Variants in WIZ observed in about 807,000 individuals in gnomAD.
WIZ encodes protein Wiz.
WIZ carries 25 observed loss-of-function variants against 140.2 expected under a neutral mutation model. The observed-to-expected ratio is 0.18, with a 90% CI of 0.13 to 0.25. WIZ has a LOEUF of 0.25. WIZ is among the 10% of genes least tolerant of loss of function. WIZ has a pLI of 1.00. For missense variants in WIZ, 2,231 were observed against 2,632.6 expected (o/e 0.85, Z 3.34); for synonymous variants, 1,125 against 1,154.3 (o/e 0.97, Z 0.51).
At position 15,422,677 on chromosome 19, in the gene WIZ, C is replaced by T. The variant is rs1018249296; in HGVS notation, c.*399G>A. 2 of 224,790 alleles carry T rather than the reference C, an allele frequency of 8.9e-6. No individual in the cohort carries two copies. The highest frequency in any genetic ancestry group is 4.6e-5 in the African/African-American group (2 of 43,886). 13.9% of individuals were successfully genotyped at this position (224,790 alleles called of 1,614,324 possible). A position where few individuals can be genotyped will look rare whatever the true frequency, so the allele number is the denominator to read the frequency against. ...ATGTACATGTGTGTGAGAGGATATT[C>T]ATGGGGGAGAGAGGGAACCAGAACA... is the stretch of plus-strand genomic sequence containing the variant. On this transcript the variant is annotated 3_prime_UTR_variant, in exon 13 of 13. Transcript: ENST00000673675.
chr19:15,443,736 T>A (rs1207727561), intron 2 of WIZ, among the ~76,000 whole-genome samples: 2 of 152,336 alleles, frequency 1.3e-5, no homozygotes, highest in African/African-American at 4.8e-5. Flanking sequence ...CTTTGTCGGC[T>A]TCGTTCACTG....
rs1043353892 is a variant in WIZ at position 15,428,539 on chromosome 19, G to A, written c.3416-31C>T. The A allele has an allele frequency of 1.3e-5, 20 of 1,534,914 alleles. No individual in the cohort carries two copies. Among genetic ancestry groups the A allele is most frequent in the African/African-American group, 9.6e-5 (7 of 72,908 alleles). ...GAGACAAAACACAGGGGGGGTTCAC[G>A]GCCGCCACCTTGGCCGGCCTTGGGG... On this transcript the variant is annotated intron_variant, in intron 7 of 12. Transcript: ENST00000673675. This position sits in a 1 kb window ranked among gnomAD's most constrained non-coding sequence, Gnocchi z 6.4.
rs1395814249 is a variant in WIZ, at chr19:15,428,566, C to A, written c.3416-58G>T. 3 of 1,533,406 alleles carry A rather than the reference C, an allele frequency of 2.0e-6. No individual in the cohort carries two copies. The highest frequency in any genetic ancestry group is 2.4e-5 in the East Asian group (1 of 40,844). The allele number at this position is 1,533,406 out of a possible 1,614,324, so 95.0% of individuals were successfully genotyped here. A position where few individuals can be genotyped will look rare whatever the true frequency, so the allele number is the denominator to read the frequency against. On this transcript the variant is annotated intron_variant, in intron 7 of 12. Transcript: ENST00000673675. The surrounding 1 kb of genome is among the most constrained non-coding windows in gnomAD (Gnocchi z 6.4). ...CCGCCACCTTGGCCGGCCTTGGGGG[C>A]CTGAGGTAGGAGGGTCTGGTGTGAT...
At position 15,427,713 on chromosome 19, in the gene WIZ, T is replaced by G. The variant is rs1599663077; in HGVS notation, c.3815-180A>C. On this transcript the variant is annotated intron_variant, in intron 8 of 12. Coordinates refer to ENST00000673675, the MANE Select transcript of WIZ (RefSeq NM_001371589.1). This position sits in a 1 kb window ranked among gnomAD's most constrained non-coding sequence, Gnocchi z 6.4. ...CTGGGGGCCAGATACCCGGCAGGAG[T>G]GAGGGGAGGCTCCAGAGAGCACATG... 6.6e-6 allele frequency among the ~76,000 whole-genome samples: 1 copy of G among 150,658 alleles called. No homozygotes were observed. Among genetic ancestry groups the G allele is most frequent in the Non-Finnish European group, 1.5e-5 (1 of 67,670 alleles).
intron 5 of WIZ, among the ~76,000 whole-genome samples, chr19:15,432,185 G>A (rs1361620620): frequency 6.6e-6 from 1 of 152,104 alleles, no homozygotes; most frequent in African/African-American, 2.4e-5. Flanking sequence ...GGCAAGGGAC[G>A]CTCCCGGGGC....
At chr19:15,431,380 C>T (rs1015413723) in intron 5 of WIZ, among the ~76,000 whole-genome samples, 198 bp from the exon 6 acceptor site, 1 of 152,248 alleles carries the variant, frequency 6.6e-6, no homozygotes, top group East Asian at 1.9e-4. Flanking sequence ...TGACAGCAGA[C>T]GCCAGCAGCT....
In WIZ at chr19:15,428,374, A is replaced by C; in HGVS notation, c.3550T>G (p.Ser1184Ala). 6.5e-7 allele frequency: 1 copy of C among 1,535,338 alleles called. No individual in the cohort carries two copies. Among genetic ancestry groups the C allele is most frequent in the Non-Finnish European group, 8.7e-7 (1 of 1,146,712 alleles). ...AGCCCGTGGAGCACGTCTATGGGGG[A>C]TCCCTTGGCGTCCGGATCGCTGACG... ...LGVSDPDAKG[S>A]PIDVLHGLIR... The change falls in exon 8 of 13, where the codon TCC becomes GCC. Residue 1184 changes from serine to alanine, a missense_variant. Ser to Ala is a moderately conservative substitution (Grantham distance 99, BLOSUM62 1). This residue lies in a region of WIZ where 141 missense variants were observed against 161.2 expected (regional missense o/e 0.87). Transcript: ENST00000673675. This position sits in a 1 kb window ranked among gnomAD's most constrained non-coding sequence, Gnocchi z 6.4.
Position 15,427,629 on chromosome 19 carries a change from G to T in WIZ, c.3815-96C>A. ...GGTCGGCTGGGCGTGGGCGGCAGCA[G>T]CACGCCCACAGGTTAGGGTGGTGAG... On this transcript the variant is annotated intron_variant, in intron 8 of 12. Transcript: ENST00000673675. The surrounding 1 kb of genome is among the most constrained non-coding windows in gnomAD (Gnocchi z 6.4). 7.4e-7 allele frequency: 1 copy of T among 1,349,950 alleles called. No individual in the cohort carries two copies. Among genetic ancestry groups the T allele is most frequent in the Non-Finnish European group, 1.0e-6 (1 of 1,003,700 alleles). The allele number at this position is 1,349,950 out of a possible 1,614,324, so 83.6% of individuals were successfully genotyped here.
intron 5 of WIZ, among the ~76,000 whole-genome samples, chr19:15,432,028 T>C (rs1011329461): frequency 6.6e-6 from 1 of 152,142 alleles, no homozygotes; most frequent in South Asian, 2.1e-4. Context: ...GTAGGTTCTA[T>C]GCTCAGTTTG....
In WIZ at chr19:15,425,712, C is replaced by T; in HGVS notation, c.4423G>A (p.Glu1475Lys). The T allele has an allele frequency of 6.2e-7, 1 of 1,611,760 alleles. No homozygotes were observed. Among genetic ancestry groups the T allele is most frequent in the Non-Finnish European group, 8.5e-7 (1 of 1,179,308 alleles). ...TGACTCGACAGGCCCTTGCGGTTCT[C>T]GAAGAACTCGCCGCAGAACTCACAG... The part of the protein sequence containing the change: ...IRCEFCGEFF[E>K]NRKGLSSHAR... The change falls in exon 10 of 13, where the codon GAG becomes AAG. Residue 1475 changes from glutamate (E) to lysine (K), a missense_variant. By Grantham distance (56) the Glu-to-Lys change is moderately conservative. Around this residue, in one of 15 missense-constraint regions of WIZ, gnomAD observed 393 missense variants for 451.7 expected, o/e 0.87. Coordinates refer to ENST00000673675, the MANE Select transcript of WIZ (RefSeq NM_001371589.1).
In WIZ at chr19:15,430,031, C is replaced by T. The variant is rs1969127337; in HGVS notation, c.2970G>A (p.Leu990=). The T allele has an allele frequency of 6.5e-7, 1 of 1,535,864 alleles. No individual in the cohort carries two copies. Among genetic ancestry groups the T allele is most frequent in the South Asian group, 1.2e-5 (1 of 84,038 alleles). ...CGACFETRKG[L]SSHARSHLRQ... is the part of the protein sequence containing the mutation. ...GCAGGTGGGAGCGCGCGTGGCTGGA[C>T]AGGCCCTTTCGGGTCTCAAAGCAGG... Residue 990 remains leucine, a synonymous_variant, in exon 7 of 13, where the codon CTG becomes CTA. Transcript: ENST00000673675.
Position 15,425,726 on chromosome 19 carries a change from C to G in WIZ, c.4409G>C (p.Cys1470Ser). The change falls in exon 10 of 13, where the codon TGC becomes TCC. Residue 1470 changes from cysteine (C) to serine (S), a missense_variant. Around this residue, in one of 15 missense-constraint regions of WIZ, gnomAD observed 393 missense variants for 451.7 expected, o/e 0.87. Transcript: ENST00000673675. Reference sequence around the variant, plus strand: ...CTTGCGGTTCTCGAAGAACTCGCCGCAGAACTCACAGCGGATGTCGCGCAC... The same window carrying G: ...CTTGCGGTTCTCGAAGAACTCGCCGGAGAACTCACAGCGGATGTCGCGCAC... Reference protein sequence around the residue: ...EPVRDIRCEFCGEFFENRKGL... With the variant: ...EPVRDIRCEFSGEFFENRKGL... 6.2e-7 allele frequency: 1 copy of G among 1,609,718 alleles called. No individual in the cohort carries two copies. The highest frequency in any genetic ancestry group is 8.5e-7 in the Non-Finnish European group (1 of 1,178,244).
chr19:15,430,339 C>T (rs1008662094), intron 6 of WIZ, among the ~76,000 whole-genome samples: 6 of 152,234 alleles, frequency 3.9e-5, no homozygotes, highest in African/African-American at 9.7e-5. Flanking sequence ...AGATAGAGCC[C>T]TTCTGTCATC....
Position 15,424,413 on chromosome 19 carries a change from G to A in WIZ, c.5315-35C>T, listed in dbSNP as rs779155642. ...AGAGGGGGACGGGAGATGAGTGGGA[G>A]GGGTGGATGCTGCAGAGACTTGGAA... On this transcript the variant is annotated intron_variant, in intron 11 of 12. Transcript: ENST00000673675. The surrounding 1 kb of genome is among the most constrained non-coding windows in gnomAD (Gnocchi z 9.7). 19 of 1,589,768 alleles carry A rather than the reference G, an allele frequency of 1.2e-5. No individual in the cohort carries two copies. Among genetic ancestry groups the A allele is most frequent in the Non-Finnish European group, 1.6e-5 (19 of 1,172,078 alleles).
Position 15,424,870 on chromosome 19 carries a change from T to C in WIZ, c.5057A>G (p.Lys1686Arg). 6.2e-7 allele frequency: 1 copy of C among 1,610,954 alleles called. No homozygotes were observed. Among genetic ancestry groups the C allele is most frequent in the Non-Finnish European group, 8.5e-7 (1 of 1,179,426 alleles). ...LSEWIKHRPQKVGAYRSYIQG... is the reference protein window; with the variant it reads ...LSEWIKHRPQRVGAYRSYIQG... ...GATGTAGCTGCGGTAGGCGCCCACC[T>C]TCTGGGGCCGGTGTTTGATCCACTC... The change falls in exon 11 of 13, where the codon AAG becomes AGG. Residue 1686 changes from lysine to arginine, a missense_variant. Lys to Arg is a conservative substitution (Grantham distance 26, BLOSUM62 2). Around this residue, in one of 15 missense-constraint regions of WIZ, gnomAD observed 299 missense variants for 309.6 expected, o/e 0.97. Transcript: ENST00000673675. This position sits in a 1 kb window ranked among gnomAD's most constrained non-coding sequence, Gnocchi z 9.7.
Position 15,431,081 on chromosome 19 carries a change from T to C in WIZ, c.2842A>G (p.Ser948Gly), listed in dbSNP as rs1296803921. The C allele has an allele frequency of 2.0e-6, 3 of 1,535,986 alleles. No individual in the cohort carries two copies. Among genetic ancestry groups the C allele is most frequent in the South Asian group, 2.4e-5 (2 of 84,030 alleles). ...PVPGALEQVA[S>G]RLSSKVAAEV... Reference sequence around the variant, plus strand: ...GCAGCCACTTTGCTGCTCAGCCGACTGGCCACCTGCTCCAGGGCCCCAGGG... The same window carrying C: ...GCAGCCACTTTGCTGCTCAGCCGACCGGCCACCTGCTCCAGGGCCCCAGGG... Residue 948 changes from serine (S) to glycine (G), a missense_variant, in exon 6 of 13, where the codon AGT becomes GGT. Physicochemically the swap from Ser to Gly is moderately conservative, Grantham distance 56. This residue lies in a region of WIZ where 137 missense variants were observed against 135.8 expected (regional missense o/e 1.01). Transcript: ENST00000673675.
chr19:15,424,617 G>T lies in WIZ; in HGVS notation c.5310C>A (p.Ile1770=). The change falls in exon 11 of 13, where the codon ATC becomes ATA. Residue 1770 remains isoleucine (I), a synonymous_variant. Coordinates refer to ENST00000673675, the MANE Select transcript of WIZ (RefSeq NM_001371589.1). This position sits in a 1 kb window ranked among gnomAD's most constrained non-coding sequence, Gnocchi z 9.7. ...VKAEEHQRQN[I]NKFERRQARP... ...CCTCCTCCACCAAGCACTCACTGTTGATGTTCTGCCGCTGGTGCTCCTCAG... is the reference window on the plus strand; with the variant it reads ...CCTCCTCCACCAAGCACTCACTGTTTATGTTCTGCCGCTGGTGCTCCTCAG... 1 of 1,591,478 alleles carries T rather than the reference G, an allele frequency of 6.3e-7. No individual in the cohort carries two copies. Among genetic ancestry groups the T allele is most frequent in the Non-Finnish European group, 8.5e-7 (1 of 1,177,310 alleles).
At chr19:15,425,932 G>A (rs945617486) in intron 9 of WIZ, among the ~76,000 whole-genome samples, 164 bp from the exon 10 acceptor site, 8 of 148,424 alleles carry the variant, frequency 5.4e-5, no homozygotes, top group Admixed American at 1.4e-4. Flanking sequence ...CGGCGGCTGC[G>A]GGCAGGAAGC....
rs574717739 is a variant in WIZ, at chr19:15,426,898, T to A, written c.4366+84A>T. The A allele has an allele frequency of 4.6e-4, 682 of 1,497,932 alleles. 13 individuals are homozygous for A. In the South Asian group the frequency reaches 8.5e-3, roughly 19 times the overall value. 92.8% of individuals were successfully genotyped at this position (1,497,932 alleles called of 1,614,324 possible). A position where few individuals can be genotyped will look rare whatever the true frequency, so the allele number is the denominator to read the frequency against. ...CGTGTCCTCCCTTCCAATTCAACCC[T>A]AGGCACTCTGGATACCCCCAAGGGG... On this transcript the variant is annotated intron_variant, in intron 9 of 12. Transcript: ENST00000673675.
Sources: gnomAD v4.1 joint callset for allele counts (sites outside exome capture counted in the v4.1 genomes callset) on GRCh38, gnomAD v4.1.1 for gene constraint, gnomAD v4.1.1 regional missense constraint, Gnocchi (gnomAD v3.1) non-coding constraint, MANE v1.5 for transcripts, NCBI Gene and HGNC (gene_info 2026-07-23, HGNC 2026-07-21) for gene names.